Variants in NDUFA5 observed in about 807,000 individuals in gnomAD.
The protein encoded by NDUFA5 is NADH dehydrogenase [ubiquinone] 1 alpha subcomplex subunit 5.
A neutral mutation model predicts 19.8 loss-of-function variants in NDUFA5; 11 were observed. The observed-to-expected ratio is 0.56, with a 90% confidence interval of 0.35 to 0.92. The LOEUF (loss-of-function observed/expected upper bound fraction) is 0.92. Among genes scored for constraint, NDUFA5 ranks in the 40% least tolerant of loss-of-function variants. The pLI is 0.01. For synonymous variants in NDUFA5, 47 were observed against 46.8 expected (o/e 1.00, Z -0.01); for missense variants, 109 against 134.2 (o/e 0.81, Z 0.93).
At chr7:123,572,333 G>C in the NDUFA5 span, among the ~76,000 whole-genome samples, 1 of 151,090 alleles carries the variant, frequency 6.6e-6, no homozygotes, top group Non-Finnish European at 1.5e-5. Flanking sequence ...GTAGAGACAG[G>C]TTTCACCATG....
chr7:123,557,285 C>G (rs549027248), intron 2 of NDUFA5, 119 bp downstream of exon 2: 4 of 1,419,188 alleles, frequency 2.8e-6, no homozygotes, highest in Admixed American at 1.9e-5. Flanking sequence ...CAAGAGCTCA[C>G]GCGGCTTGTA....
At chr7:123,546,441 G>A (rs973285873) in intron 3 of NDUFA5, among the ~76,000 whole-genome samples, 3 of 152,114 alleles carry the variant, frequency 2.0e-5, no homozygotes, top group Non-Finnish European at 4.4e-5. Context: ...CTACACATTT[G>A]TAATGTATAT....
intron 3 of NDUFA5, among the ~76,000 whole-genome samples, chr7:123,549,572 C>A (rs1217875665): frequency 6.6e-6 from 1 of 152,060 alleles, no homozygotes; most frequent in Admixed American, 6.6e-5. Context: ...AAGCCAGGAG[C>A]TTGAGATCAG....
At chr7:123,587,943 T>A in the NDUFA5 span, among the ~76,000 whole-genome samples, 1 of 151,966 alleles carries the variant, frequency 6.6e-6, no homozygotes, top group South Asian at 2.1e-4. Context: ...TTTACTAGTA[T>A]TTTGTTGAAG....
chr7:123,544,172 G>A (rs1242786355), intron 4 of NDUFA5, among the ~76,000 whole-genome samples: 1 of 152,170 alleles, frequency 6.6e-6, no homozygotes, highest in Non-Finnish European at 1.5e-5. Context: ...TATGAGGGTT[G>A]TAGGGGTGTG....
chr7:123,538,869 A>C lies in NDUFA5; in HGVS notation c.*3250T>G, dbSNP rs989258843. On this transcript the variant is annotated 3_prime_UTR_variant, in exon 5 of 5. Transcript: ENST00000355749. ...AAAAAGAAAAAGCTGCTATTAGCCT[A>C]CATGTGGGAATTTTCCTATATATTG... 1 of 152,276 alleles carries C rather than the reference A, an allele frequency of 6.6e-6. No individual in the cohort carries two copies. Among genetic ancestry groups the C allele is most frequent in the Non-Finnish European group, 1.5e-5 (1 of 68,052 alleles). The allele number at this position is 152,276 out of a possible 1,614,324, so 9.4% of individuals were successfully genotyped here.
chr7:123,591,772 T>C, the NDUFA5 span, among the ~76,000 whole-genome samples: 1 of 152,206 alleles, frequency 6.6e-6, no homozygotes, highest in Non-Finnish European at 1.5e-5. Flanking sequence ...TTTTATATAG[T>C]GTCTCTGCCA....
chr7:123,555,094 T>C (rs985530643), intron 2 of NDUFA5: 1 of 152,204 alleles, frequency 6.6e-6, no homozygotes, highest in Non-Finnish European at 1.5e-5. Flanking sequence ...AGACATCCAC[T>C]GGGGATTTTG....
chr7:123,584,319 A>AAC, the NDUFA5 span, among the ~76,000 whole-genome samples: 1 of 151,528 alleles, frequency 6.6e-6, no homozygotes, highest in East Asian at 1.9e-4. Context: ...AAAAAAAAAA[A>AAC]AAAAAAAAAA....
At chr7:123,599,511 GAAGA>G in the NDUFA5 span, among the ~76,000 whole-genome samples, 1 of 152,166 alleles carries the variant, frequency 6.6e-6, no homozygotes, top group Non-Finnish European at 1.5e-5. Flanking sequence ...TCTTTTTCAG[GAAGA>G]AAGAATACCT....
the NDUFA5 span, chr7:123,566,965 T>C: frequency 6.6e-6 from 1 of 152,228 alleles, no homozygotes; most frequent in African/African-American, 2.4e-5. Flanking sequence ...TTCTAGAATA[T>C]AGAATCATAT....
chr7:123,589,261 A>T, the NDUFA5 span, among the ~76,000 whole-genome samples: 1 of 151,164 alleles, frequency 6.6e-6, no homozygotes, highest in Non-Finnish European at 1.5e-5. Context: ...TTCTCTTGAT[A>T]AATTTAACCA....
chr7:123,594,635 G>A, the NDUFA5 span, among the ~76,000 whole-genome samples: 1 of 152,160 alleles, frequency 6.6e-6, no homozygotes, highest in Non-Finnish European at 1.5e-5. Context: ...AAATATTGCT[G>A]CCTGATCCAT....
chr7:123,546,052 T>C (rs1464596450), intron 3 of NDUFA5, among the ~76,000 whole-genome samples: 1 of 152,112 alleles, frequency 6.6e-6, no homozygotes, highest in Non-Finnish European at 1.5e-5. Context: ...CTAGGCATAA[T>C]GCCAAACAGA....
chr7:123,563,831 T>C, the NDUFA5 span, among the ~76,000 whole-genome samples: 1 of 152,154 alleles, frequency 6.6e-6, no homozygotes, highest in Admixed American at 6.5e-5. Flanking sequence ...TCTCTAAGGG[T>C]TCTAAACAGG....
chr7:123,544,783 A>AAG (rs1798069407), intron 4 of NDUFA5, among the ~76,000 whole-genome samples: 1 of 148,978 alleles, frequency 6.7e-6, no homozygotes, highest in Middle Eastern at 3.2e-3. Flanking sequence ...AAAAAAAAAA[A>AAG]AAAAAAGAGT....
chr7:123,577,211 T>A, the NDUFA5 span, among the ~76,000 whole-genome samples: 2 of 152,302 alleles, frequency 1.3e-5, no homozygotes, highest in Middle Eastern at 6.8e-3. Flanking sequence ...TCTTCCATTG[T>A]TGAGTTTTTC....
the NDUFA5 span, among the ~76,000 whole-genome samples, chr7:123,565,142 C>G: frequency 2.6e-5 from 4 of 152,060 alleles, no homozygotes; most frequent in Non-Finnish European, 5.9e-5. Flanking sequence ...GGTCCCAGTC[C>G]AAGAGTAAGA....
the NDUFA5 span, among the ~76,000 whole-genome samples, chr7:123,582,330 A>G: frequency 6.6e-6 from 1 of 151,664 alleles, no homozygotes; most frequent in African/African-American, 2.4e-5. Flanking sequence ...GAATGTTAAG[A>G]CTCCACAGAT....
Sources: allele counts gnomAD v4.1 joint callset (sites outside exome capture counted in the v4.1 genomes callset), GRCh38; gene constraint gnomAD v4.1.1; transcripts MANE v1.5; gene names NCBI Gene and HGNC (gene_info 2026-07-23, HGNC 2026-07-21).